ZBTB25: variants seen among roughly 807,000 people sequenced by gnomAD.
The protein encoded by ZBTB25 is zinc finger and BTB domain-containing protein 25.
Under a neutral mutation model 34.2 loss-of-function variants are expected in ZBTB25, and 20 were observed. The ratio of observed to expected loss-of-function variants is 0.58; its 90% CI spans 0.41 to 0.85. ZBTB25 has a LOEUF of 0.85. Among genes scored for constraint, ZBTB25 ranks in the 40% least tolerant of loss-of-function variants. The pLI, the probability that ZBTB25 is intolerant of heterozygous loss-of-function variation, is 0.00. For synonymous variants in ZBTB25, 175 were observed against 186.4 expected (o/e 0.94, Z 0.50); for missense variants, 437 against 521.8 (o/e 0.84, Z 1.58).
At chr14:64,504,969 G>T (rs1384439615), upstream of ZBTB25, 3 of 394,432 alleles carry the variant, frequency 7.6e-6, no homozygotes, top group Non-Finnish European at 9.0e-6. Context: ...CAGTTGTGGG[G>T]CTATTTGCGC....
intron 2 of ZBTB25, chr14:64,454,811 T>G (rs2078439293): frequency 6.2e-7 from 1 of 1,614,120 alleles, no homozygotes; most frequent in African/African-American, 1.3e-5. Flanking sequence ...ACAGGCTTCA[T>G]TCTGCCCATT....
In ZBTB25 at chr14:64,488,068, C is replaced by CA; in HGVS notation, c.174-12dup. 1 of 1,604,502 alleles carries CA rather than the reference C, an allele frequency of 6.2e-7. No homozygotes were observed. The highest frequency in any genetic ancestry group is 8.5e-7 in the Non-Finnish European group (1 of 1,174,220). ...ATTTTTATGCATTCACTGTTAAAAA[C>CA]AAAAACAGACCCACAAGAAATGAAA... On this transcript the variant is annotated splice_polypyrimidine_tract_variant and intron_variant, in intron 2 of 2. Coordinates refer to ENST00000608382, the MANE Select transcript of ZBTB25 (RefSeq NM_006977.5).
Position 64,487,498 on chromosome 14 carries a change from C to T in ZBTB25, c.733G>A (p.Glu245Lys). The change falls in exon 3 of 3, where the codon GAA becomes AAA. Residue 245 changes from glutamate (E) to lysine (K), a missense_variant. Coordinates refer to ENST00000608382, the MANE Select transcript of ZBTB25 (RefSeq NM_006977.5). Reference sequence around the variant, plus strand: ...AGGTTACTACGGGAATCAAAACGTTCCCCACAGTAATGGCATAAGTGTATT... The same window carrying T: ...AGGTTACTACGGGAATCAAAACGTTTCCCACAGTAATGGCATAAGTGTATT... ...VKIHLCHYCG[E>K]RFDSRSNLRQ... 6.2e-7 allele frequency: 1 copy of T among 1,614,102 alleles called. No homozygotes were observed. Among genetic ancestry groups the T allele is most frequent in the Non-Finnish European group, 8.5e-7 (1 of 1,179,982 alleles).
At chr14:64,489,598 C>T (rs1286936045) in intron 2 of ZBTB25, among the ~76,000 whole-genome samples, 13 of 150,620 alleles carry the variant, frequency 8.6e-5, no homozygotes, top group South Asian at 6.3e-4. Flanking sequence ...TGCAGTGGCG[C>T]GATCTCGGCT....
chr14:64,449,597 G>A, exon 3 of ZBTB25: 1 of 1,614,154 alleles, frequency 6.2e-7, no homozygotes, highest in African/African-American at 1.3e-5. Context: ...GCACCCAGCA[G>A]CTTCCAGCTC....
At chr14:64,470,911 G>A (rs1255515746) in intron 2 of ZBTB25, 2 of 166,998 alleles carry the variant, frequency 1.2e-5, no homozygotes, top group African/African-American at 4.8e-5. Flanking sequence ...TCTCCAAAGA[G>A]GGGAGAGTAG....
chr14:64,468,968 G>A (rs1447091278), intron 2 of ZBTB25: 1 of 1,614,252 alleles, frequency 6.2e-7, no homozygotes, highest in Admixed American at 1.7e-5. Context: ...GAAAGATGGT[G>A]ATGAGGTCTG....
chr14:64,490,639 AG>A, intron 1 of ZBTB25, 99 bp from the exon 2 acceptor site: 1 of 1,056,438 alleles, frequency 9.5e-7, no homozygotes, highest in Non-Finnish European at 1.3e-6. Flanking sequence ...AAACCTACAG[AG>A]TAACAAGGAG....
At chr14:64,494,628 CA>C (rs1207106268) in intron 1 of ZBTB25, among the ~76,000 whole-genome samples, 2 of 148,390 alleles carry the variant, frequency 1.3e-5, no homozygotes, top group Non-Finnish European at 1.5e-5. Context: ...GACTCTGTCT[CA>C]AAAAAAAATA....
upstream of ZBTB25, chr14:64,504,704 G>T: frequency 5.4e-6 from 2 of 368,236 alleles, no homozygotes; most frequent in Non-Finnish European, 9.7e-6. Flanking sequence ...ACCCGGAGTC[G>T]CCGCGTAAGC....
At chr14:64,463,226 A>AC (rs2078572522) in intron 2 of ZBTB25, 2 of 133,652 alleles carry the variant, frequency 1.5e-5, no homozygotes, top group South Asian at 2.3e-4. Flanking sequence ...TGGATACATT[A>AC]AACACACACA....
chr14:64,450,043 G>A (rs1349297318), intron 2 of ZBTB25, among the ~76,000 whole-genome samples: 1 of 152,284 alleles, frequency 6.6e-6, no homozygotes, highest in Non-Finnish European at 1.5e-5. Context: ...ACCTGCCTTG[G>A]CCTCCCAAAG....
chr14:64,499,354 G>A (rs2079405291), intron 1 of ZBTB25: 1 of 152,174 alleles, frequency 6.6e-6, no homozygotes, highest in Admixed American at 6.5e-5. Context: ...ATTACCTGAG[G>A]TCGGGAGTTC....
At chr14:64,456,527 C>A (rs1042859510) in intron 2 of ZBTB25, among the ~76,000 whole-genome samples, 1 of 152,112 alleles carries the variant, frequency 6.6e-6, no homozygotes, top group Non-Finnish European at 1.5e-5. Context: ...GTGAAAATAT[C>A]AAAAATCCTA....
At chr14:64,504,631 G>A (rs577442040), upstream of ZBTB25, 87 of 318,432 alleles carry the variant, frequency 2.7e-4, no homozygotes, top group Non-Finnish European at 4.4e-4. Context: ...GCCAGCGGCA[G>A]AGTGGGTGGG....
intron 1 of ZBTB25, chr14:64,502,738 C>A (rs1280331346): frequency 7.1e-6 from 7 of 984,612 alleles, no homozygotes; most frequent in Middle Eastern, 5.2e-4. Flanking sequence ...ACCAAGGTGT[C>A]TGGAGCCTTG....
chr14:64,453,649 C>A, intron 2 of ZBTB25: 1 of 725,748 alleles, frequency 1.4e-6, no homozygotes, highest in Non-Finnish European at 2.5e-6. Context: ...TAAAAACCAT[C>A]TTCTGCCCCT....
intron 1 of ZBTB25, among the ~76,000 whole-genome samples, chr14:64,498,261 G>C (rs1444582590): frequency 6.6e-6 from 1 of 151,886 alleles, no homozygotes; most frequent in Non-Finnish European, 1.5e-5. Flanking sequence ...TCCCAACCCA[G>C]GCTTAGCCCA....
At chr14:64,453,710 C>T (rs752591117) in intron 2 of ZBTB25, 2 of 1,174,392 alleles carry the variant, frequency 1.7e-6, no homozygotes, top group Non-Finnish European at 2.6e-6. Context: ...AATGTCCTCA[C>T]ATGTGTCCAG....
Sources: allele counts gnomAD v4.1 joint callset (sites outside exome capture counted in the v4.1 genomes callset), GRCh38; gene constraint gnomAD v4.1.1; transcripts MANE v1.5; gene names NCBI Gene and HGNC (gene_info 2026-07-23, HGNC 2026-07-21).